The following TP53BP1 variants were observed in gnomAD, a reference collection of about 807,000 sequenced individuals.
TP53BP1 encodes tumor protein p53 binding protein 1, also known as TP53-binding protein 1.
TP53BP1 carries 61 observed loss-of-function variants against 200.8 expected under a neutral mutation model. The ratio of observed to expected loss-of-function variants is 0.30; its 90% CI spans 0.25 to 0.38. TP53BP1 has a LOEUF of 0.38. Among genes scored for constraint, TP53BP1 ranks in the 10% least tolerant of loss-of-function variants. TP53BP1 has a pLI of 1.00. For missense variants in TP53BP1, 2,144 were observed against 2,371.9 expected (o/e 0.90, Z 2.00); for synonymous variants, 822 against 844.3 (o/e 0.97, Z 0.46).
At chr15:43,476,859 G>C (rs2078890463) in intron 8 of TP53BP1, among the ~76,000 whole-genome samples, 1 of 152,204 alleles carries the variant, frequency 6.6e-6, no homozygotes, top group Non-Finnish European at 1.5e-5. Context: ...ATCCTTTTAA[G>C]TTTTATGTCC....
chr15:43,503,642 G>C (rs1348049409), intron 1 of TP53BP1, among the ~76,000 whole-genome samples: 2 of 151,946 alleles, frequency 1.3e-5, no homozygotes, highest in Non-Finnish European at 2.9e-5. Flanking sequence ...CTGGGCAACA[G>C]AGCAAGACTC....
At chr15:43,462,906 C>T (rs559177852) in intron 11 of TP53BP1, among the ~76,000 whole-genome samples, 1 of 152,000 alleles carries the variant, frequency 6.6e-6, no homozygotes, top group South Asian at 2.1e-4. Context: ...AAAATACAAA[C>T]ATTAGCTGGG....
intron 26 of TP53BP1, 168 bp downstream of exon 26, chr15:43,408,729 C>G: frequency 1.5e-6 from 1 of 651,754 alleles, no homozygotes; most frequent in Non-Finnish European, 2.6e-6. Flanking sequence ...CCAATGTAAC[C>G]TAGGGAAATA....
rs376159158 is a variant in TP53BP1 at position 43,481,036 on chromosome 15, G to C, written c.372-14C>G. 3.7e-6 allele frequency: 6 copies of C among 1,613,800 alleles called. No individual in the cohort carries two copies. In the African/African-American group the frequency reaches 6.7e-5, roughly 18 times the overall value. ...ATTCCCAGAACACTACACAGCAGAA[G>C]GATATAATCATGTGTTCCCAGATAG... On this transcript the variant is annotated splice_polypyrimidine_tract_variant and intron_variant, in intron 4 of 27. Coordinates refer to ENST00000382044, the MANE Select transcript of TP53BP1 (RefSeq NM_001141980.3).
At chr15:43,452,399 C>A (rs2046191576) in intron 12 of TP53BP1, among the ~76,000 whole-genome samples, 1 of 151,968 alleles carries the variant, frequency 6.6e-6, no homozygotes, top group South Asian at 2.1e-4. Flanking sequence ...AACCCTGTCT[C>A]TACAAAAAAT....
chr15:43,410,822 G>T (rs745902940), intron 24 of TP53BP1, among the ~76,000 whole-genome samples: 5 of 152,098 alleles, frequency 3.3e-5, no homozygotes, highest in Non-Finnish European at 7.4e-5. Context: ...CAGGTCAGGG[G>T]TCTCCATCTC....
At chr15:43,425,861 C>A (rs1459409342) in intron 18 of TP53BP1, among the ~76,000 whole-genome samples, 1 of 151,838 alleles carries the variant, frequency 6.6e-6, no homozygotes, top group Admixed American at 6.6e-5. Flanking sequence ...GTCAGGAGAT[C>A]GAGACCATCC....
chr15:43,475,912 A>ATTC (rs1340555485), intron 8 of TP53BP1, among the ~76,000 whole-genome samples: 1 of 152,240 alleles, frequency 6.6e-6, no homozygotes, highest in East Asian at 1.9e-4. Flanking sequence ...CTTCTTGAAT[A>ATTC]AAGAACTGAT....
intron 4 of TP53BP1, among the ~76,000 whole-genome samples, chr15:43,482,957 A>C (rs1157248384): frequency 1.3e-5 from 2 of 152,164 alleles, no homozygotes; most frequent in Non-Finnish European, 2.9e-5. Flanking sequence ...GAAACAATCA[A>C]ATACAAAATG....
chr15:43,459,256 G>T (rs1416491465), intron 11 of TP53BP1, among the ~76,000 whole-genome samples: 1 of 152,130 alleles, frequency 6.6e-6, no homozygotes, highest in Non-Finnish European at 1.5e-5. Flanking sequence ...AGAATTGCTT[G>T]AACCCAGGAG....
Position 43,456,500 on chromosome 15 carries a change from G to A in TP53BP1, c.2108C>T (p.Ser703Phe). 1.3e-6 allele frequency: 2 copies of A among 1,589,276 alleles called. No homozygotes were observed. Among genetic ancestry groups the A allele is most frequent in the African/African-American group, 2.7e-5 (2 of 74,000 alleles). ...TTCCTTTTGAAGACACAACCCTTGG[G>A]ACTGAGTTTCAGTCAGAGAAAGGTG... Reference protein sequence around the residue: ...PLHLSLTETQSQGLCLQKEMP... With the variant: ...PLHLSLTETQFQGLCLQKEMP... Residue 703 changes from serine (S) to phenylalanine (F), a missense_variant, in exon 12 of 28, where the codon TCC (serine) becomes TTC (phenylalanine). Ser to Phe is a radical substitution (Grantham distance 155). Around this residue, in one of 4 missense-constraint regions of TP53BP1, gnomAD observed 1,700 missense variants for 1,710.3 expected, o/e 0.99. Coordinates refer to ENST00000382044, the MANE Select transcript of TP53BP1 (RefSeq NM_001141980.3).
At chr15:43,418,158 C>T (rs1440233378) in intron 21 of TP53BP1, among the ~76,000 whole-genome samples, 3 of 121,880 alleles carry the variant, frequency 2.5e-5, no homozygotes, top group South Asian at 2.6e-4. Flanking sequence ...CCAGCCTGGG[C>T]GACAGAGCAA....
chr15:43,404,608 T>G lies in TP53BP1; in HGVS notation c.*2775A>C. 7 of 1,584,364 alleles carry G rather than the reference T, an allele frequency of 4.4e-6. No individual in the cohort carries two copies. The highest frequency in any genetic ancestry group is 5.2e-6 in the Non-Finnish European group (6 of 1,161,246). On this transcript the variant is annotated 3_prime_UTR_variant, in exon 28 of 28. Transcript: ENST00000382044. ...CTTTTTAAGGTGGCTTTTTAATGAG[T>G]TGTAGAATTCTAGAACTGGAAGAAG...
At chr15:43,435,478 A>C (rs1351859677) in intron 16 of TP53BP1, among the ~76,000 whole-genome samples, 1 of 152,108 alleles carries the variant, frequency 6.6e-6, no homozygotes, top group Non-Finnish European at 1.5e-5. Flanking sequence ...GCTTTAATAA[A>C]AAAGCAAGGC....
Position 43,477,574 on chromosome 15 carries a change from G to A in TP53BP1, c.955+19C>T, listed in dbSNP as rs144532689. On this transcript the variant is annotated intron_variant, in intron 8 of 27. Coordinates refer to ENST00000382044, the MANE Select transcript of TP53BP1 (RefSeq NM_001141980.3). ...TAGATCTTTGGAGAAGAGCTGTAAC[G>A]ACAAATCACTCTTGGTACCTGTTTT... 754 of 1,589,824 alleles carry A rather than the reference G, an allele frequency of 4.7e-4. No homozygotes were observed. In the East Asian group the frequency reaches 7.0e-3, roughly 15 times the overall value.
chr15:43,496,123 C>A (rs2079181458), upstream of TP53BP1, among the ~76,000 whole-genome samples: 1 of 152,146 alleles, frequency 6.6e-6, no homozygotes, highest in Non-Finnish European at 1.5e-5. Context: ...AGAAATCTAA[C>A]TTACCTCTAA....
In TP53BP1 at chr15:43,492,059, C is replaced by T. The variant is rs1172650847; in HGVS notation, c.229G>A (p.Glu77Lys). The T allele has an allele frequency of 1.9e-6, 3 of 1,614,072 alleles. No homozygotes were observed. The highest frequency in any genetic ancestry group is 2.2e-5 in the East Asian group (1 of 44,874). Reference protein sequence around the residue: ...VSNPEQTAGEERGDGNSGFNE... With the variant: ...VSNPEQTAGEKRGDGNSGFNE... The stretch of plus-strand genomic sequence containing the variant: ...AACCCACTATTACCGTCTCCTCGTT[C>T]TTCTCCAGCTGTTTGTTCAGGATTG... The change falls in exon 3 of 28, where the codon GAA (glutamate) becomes AAA (lysine). Residue 77 changes from glutamate to lysine, a missense_variant. By Grantham distance (56) the Glu-to-Lys change is moderately conservative (BLOSUM62 1). This residue lies in a region of TP53BP1 where 1,700 missense variants were observed against 1,710.3 expected (regional missense o/e 0.99). Transcript: ENST00000382044.
rs747276139 is a variant in TP53BP1 at position 43,456,952 on chromosome 15, A to G, written c.1656T>C (p.Asp552=). The G allele has an allele frequency of 6.2e-7, 1 of 1,614,200 alleles. No individual in the cohort carries two copies. The highest frequency in any genetic ancestry group is 8.5e-7 in the Non-Finnish European group (1 of 1,180,028). The change falls in exon 12 of 28, where the codon GAT becomes GAC. Residue 552 remains aspartate (D), a synonymous_variant. Transcript: ENST00000382044. Reference sequence around the variant, plus strand: ...TGAGAACTGGAGACATGGGTTCCGTATCCTCAATCTGTGTGTTTTCTCCAT... The same window carrying G: ...TGAGAACTGGAGACATGGGTTCCGTGTCCTCAATCTGTGTGTTTTCTCCAT... The part of the protein sequence containing the change: ...DEDGENTQIE[D]TEPMSPVLNS...
At position 43,416,214 on chromosome 15, in the gene TP53BP1, A is replaced by G. The variant is rs1008389886; in HGVS notation, c.4873+11T>C. ...GCCCAAAAGCAGCTGTTCAGGAAGC[A>G]AAAGTCTTACCTAAGCTGATATCTG... On this transcript the variant is annotated intron_variant, in intron 22 of 27. Transcript: ENST00000382044. 6 of 1,608,946 alleles carry G rather than the reference A, an allele frequency of 3.7e-6. No homozygotes were observed. Among genetic ancestry groups the G allele is most frequent in the Non-Finnish European group, 2.5e-6 (3 of 1,178,196 alleles).
Sources: gnomAD v4.1 joint callset for allele counts (sites outside exome capture counted in the v4.1 genomes callset) on GRCh38, gnomAD v4.1.1 for gene constraint, gnomAD v4.1.1 regional missense constraint, MANE v1.5 for transcripts, NCBI Gene and HGNC (gene_info 2026-07-23, HGNC 2026-07-21) for gene names.